Variants in NHSL1 observed in about 807,000 individuals in gnomAD.
NHSL1 encodes the protein NHS-like protein 1.
NHSL1 carries 48 observed loss-of-function variants against 95.0 expected under a neutral mutation model. The observed-to-expected ratio is 0.51, with a 90% CI of 0.40 to 0.64. The LOEUF is 0.64. NHSL1 is among the 30% of genes least tolerant of loss of function. NHSL1 has a pLI of 0.00. For missense variants in NHSL1, 1,971 were observed against 2,077.7 expected, an observed-to-expected ratio of 0.95 and a Z score of 1.00; for synonymous variants, 783 against 833.9, an observed-to-expected ratio of 0.94 and a Z score of 1.05.
intron 1 of NHSL1, among the ~76,000 whole-genome samples, chr6:138,513,725 T>G (rs879732670): frequency 3.3e-5 from 5 of 152,206 alleles, no homozygotes; most frequent in African/African-American, 9.6e-5. Flanking sequence ...ATTTGCCATT[T>G]CTTCAAGGTC....
chr6:138,669,266 ATTGTT>A (rs759008259), intron 1 of NHSL1, among the ~76,000 whole-genome samples: 13 of 152,126 alleles, frequency 8.5e-5, no homozygotes, highest in Non-Finnish European at 1.8e-4. Flanking sequence ...CAGCAAAGAG[ATTGTT>A]TTAAGAAGAT....
intron 3 of NHSL1, among the ~76,000 whole-genome samples, chr6:138,462,616 G>C: frequency 6.6e-6 from 1 of 152,228 alleles, no homozygotes; most frequent in East Asian, 1.9e-4. Flanking sequence ...AGAAGAAGTT[G>C]TGTTTGGAGA....
intron 1 of NHSL1, among the ~76,000 whole-genome samples, chr6:138,570,779 G>C (rs183854501): frequency 2.0e-5 from 3 of 152,350 alleles, no homozygotes; most frequent in Admixed American, 6.5e-5. Context: ...ACTCCAGCAA[G>C]GTTTCTTTTG....
chr6:138,508,879 T>C (rs1781089172), intron 1 of NHSL1, among the ~76,000 whole-genome samples: 1 of 152,204 alleles, frequency 6.6e-6, no homozygotes, highest in Admixed American at 6.5e-5. Flanking sequence ...AACTGTAACC[T>C]CTTATACTTG....
intron 1 of NHSL1, among the ~76,000 whole-genome samples, chr6:138,670,938 TGAG>T (rs1785359994): frequency 6.6e-6 from 1 of 152,052 alleles, no homozygotes; most frequent in Non-Finnish European, 1.5e-5. Flanking sequence ...GAAGGATTGC[TGAG>T]GCCAGGAGTT....
At position 138,431,460 on chromosome 6, in the gene NHSL1, C is replaced by T; in HGVS notation, c.2885G>A (p.Gly962Asp). 1 of 1,550,370 alleles carries T rather than the reference C, an allele frequency of 6.5e-7. No individual in the cohort carries two copies. The change falls in exon 6 of 8, where the codon GGC becomes GAC. Residue 962 changes from glycine to aspartate, a missense_variant. Gly to Asp is a moderately conservative substitution (Grantham distance 94, BLOSUM62 -1). This residue lies in a region of NHSL1 where 1,602 missense variants were observed against 1,654.5 expected (regional missense o/e 0.97). Coordinates refer to ENST00000343505, the MANE Select transcript of NHSL1 (RefSeq NM_001144060.2). The surrounding 1 kb of genome is among the most constrained non-coding windows in gnomAD (Gnocchi z 4.0). ...PPPPVTDCSQ[G>D]SPLPHSPVFP... ...CACAGGAGAGTGAGGCAGAGGAGAG[C>T]CCTGGGAGCAATCTGTGACAGGAGG...
intron 1 of NHSL1, among the ~76,000 whole-genome samples, chr6:138,585,852 G>C (rs1208115469): frequency 2.0e-5 from 3 of 151,596 alleles, no homozygotes; most frequent in Non-Finnish European, 4.4e-5. Flanking sequence ...CTCAAGACCA[G>C]GGAAACACGG....
At chr6:138,469,461 C>T (rs534588122) in intron 3 of NHSL1, among the ~76,000 whole-genome samples, 131 of 152,322 alleles carry the variant, frequency 8.6e-4, no homozygotes, top group Middle Eastern at 3.4e-3. Flanking sequence ...CGATGACTCA[C>T]GCCTGTAAGC....
intron 1 of NHSL1, among the ~76,000 whole-genome samples, chr6:138,686,023 G>A (rs1281688923): frequency 6.6e-6 from 1 of 152,184 alleles, no homozygotes; most frequent in African/African-American, 2.4e-5. Context: ...ACCAAGGGCT[G>A]TAGGAAGAAG....
At position 138,430,563 on chromosome 6, in the gene NHSL1, G is replaced by C. The variant is rs147154589; in HGVS notation, c.3782C>G (p.Ser1261Trp). 1 of 1,550,860 alleles carries C rather than the reference G, an allele frequency of 6.4e-7. No individual in the cohort carries two copies. Among genetic ancestry groups the C allele is most frequent in the Admixed American group, 2.0e-5 (1 of 50,972 alleles). Residue 1261 changes from serine (S) to tryptophan (W), a missense_variant, in exon 6 of 8, where the codon TCG (serine) becomes TGG (tryptophan). By Grantham distance (177) the Ser-to-Trp change is radical (BLOSUM62 -3). Coordinates refer to ENST00000343505, the MANE Select transcript of NHSL1 (RefSeq NM_001144060.2). This position sits in a 1 kb window ranked among gnomAD's most constrained non-coding sequence, Gnocchi z 4.7. The stretch of plus-strand genomic sequence containing the variant: ...TCCTGCAGCTCCTCCCTCAAGAACC[G>C]AGGTGCCAGGGTGCGTGGCATGAGA... ...AGSHATHPGT[S>W]VLEGGAAGSM...
At chr6:138,594,616 A>G (rs1436129334) in intron 1 of NHSL1, among the ~76,000 whole-genome samples, 1 of 152,164 alleles carries the variant, frequency 6.6e-6, no homozygotes, top group African/African-American at 2.4e-5. Flanking sequence ...ATCCCCAATA[A>G]GCAGCACCGA....
chr6:138,682,475 AAC>A (rs1785524722), intron 1 of NHSL1, among the ~76,000 whole-genome samples: 1 of 152,208 alleles, frequency 6.6e-6, no homozygotes, highest in Admixed American at 6.5e-5. Context: ...TGGAATTCAG[AAC>A]AGATTTTCTT....
upstream of NHSL1, among the ~76,000 whole-genome samples, chr6:138,573,958 A>G (rs1056926494): frequency 6.6e-6 from 1 of 151,966 alleles, no homozygotes; most frequent in Non-Finnish European, 1.5e-5. Flanking sequence ...CTTTTTTTTG[A>G]GACAGAGTCT....
rs35979187 is a variant in NHSL1 at position 138,544,983 on chromosome 6, CTTTT to C, written c.16+636_16+639del. 8.4e-5 allele frequency among the ~76,000 whole-genome samples: 7 copies of C among 83,466 alleles called. No homozygotes were observed. The South Asian group carries it at 2.1e-3, about 25-fold the overall frequency. 54.8% of individuals were successfully genotyped at this position (83,466 alleles called of 152,430 possible). On this transcript the variant is annotated intron_variant, in intron 1 of 4. Transcript: ENST00000342260. ...GAACAAGAAGTATGTTCTTTCTTTTCTTTTTTTTTTTTTTTTTTTTTTTTGAGAC... is the reference window on the plus strand; with the variant it reads ...GAACAAGAAGTATGTTCTTTCTTTTCTTTTTTTTTTTTTTTTTTTTGAGAC...
At chr6:138,681,672 T>A (rs1785513034) in intron 1 of NHSL1, among the ~76,000 whole-genome samples, 1 of 152,240 alleles carries the variant, frequency 6.6e-6, no homozygotes, top group Non-Finnish European at 1.5e-5. Context: ...TAATCAGGTA[T>A]AATTGGATTA....
chr6:138,692,002 C>T lies in NHSL1; in HGVS notation c.96+474G>A, dbSNP rs968574255. The T allele has an allele frequency of 1.3e-5, 6 of 456,720 alleles. No individual in the cohort carries two copies. The highest frequency in any genetic ancestry group is 9.3e-5 in the South Asian group (6 of 64,566). The allele number at this position is 456,720 out of a possible 1,614,324, so 28.3% of individuals were successfully genotyped here. A position where few individuals can be genotyped will look rare whatever the true frequency, so the allele number is the denominator to read the frequency against. ...CGGGAAGAGAGGTGGCAAGCAGCCC[C>T]AACGCTCGCCGAGATCCCCAGGGTT... On this transcript the variant is annotated intron_variant, in intron 1 of 3. Transcript: ENST00000491526. The surrounding 1 kb of genome is among the most constrained non-coding windows in gnomAD (Gnocchi z 4.0).
intron 2 of NHSL1, among the ~76,000 whole-genome samples, chr6:138,478,012 C>CTTTTTTTTTTATTTTTTTTTT (rs1779183125): frequency 3.3e-5 from 1 of 29,996 alleles, no homozygotes; most frequent in Non-Finnish European, 5.8e-5. Context: ...ATTTATGTCA[C>CTTTTTTTTTTATTTTTTTTTT]TTTTTTTTTT....
At chr6:138,478,304 A>G (rs751005556) in intron 2 of NHSL1, among the ~76,000 whole-genome samples, 1 of 152,146 alleles carries the variant, frequency 6.6e-6, no homozygotes, top group Non-Finnish European at 1.5e-5. Flanking sequence ...ATAGCAGTAT[A>G]ATAAATGGTA....
intron 1 of NHSL1, among the ~76,000 whole-genome samples, chr6:138,652,874 C>T (rs1435876638): frequency 6.6e-6 from 1 of 152,144 alleles, no homozygotes; most frequent in Non-Finnish European, 1.5e-5. Context: ...TTAATTACCT[C>T]CATTTATTAT....
Sources: gnomAD v4.1 joint callset for allele counts (sites outside exome capture counted in the v4.1 genomes callset) on GRCh38, gnomAD v4.1.1 for gene constraint, gnomAD v4.1.1 regional missense constraint, Gnocchi (gnomAD v3.1) non-coding constraint, MANE v1.5 for transcripts, NCBI Gene and HGNC (gene_info 2026-07-23, HGNC 2026-07-21) for gene names.